Variants in ACBD6 observed in about 807,000 individuals in gnomAD.
ACBD6 encodes the protein acyl-CoA-binding domain-containing protein 6.
In ACBD6, 28 loss-of-function variants were observed where a neutral mutation model predicts 37.2. The ratio of observed to expected loss-of-function variants is 0.75; its 90% CI spans 0.56 to 1.03. The LOEUF is 1.03. ACBD6 is among the 50% of genes least tolerant of loss of function. The probability of loss-of-function intolerance (pLI) is 0.00; values close to 1 mark genes in which losing one functional copy is unlikely to be tolerated. For synonymous variants in ACBD6, 113 were observed against 126.8 expected (o/e 0.89, Z 0.73); for missense variants, 340 against 337.4 (o/e 1.01, Z -0.06).
At chr1:180,471,551 T>C (rs1033038813) in intron 3 of ACBD6, among the ~76,000 whole-genome samples, 6 of 152,012 alleles carry the variant, frequency 3.9e-5, no homozygotes, top group Non-Finnish European at 8.8e-5. Flanking sequence ...CTCAAAATCA[T>C]GGTGGGGGGC....
intron 6 of ACBD6, among the ~76,000 whole-genome samples, chr1:180,381,811 T>C (rs542137170): frequency 6.6e-6 from 1 of 151,690 alleles, no homozygotes; most frequent in Non-Finnish European, 1.5e-5. Context: ...CTCAAGGAAC[T>C]AGAAAAACAA....
At chr1:180,458,091 C>T (rs1649993544) in intron 3 of ACBD6, among the ~76,000 whole-genome samples, 1 of 152,032 alleles carries the variant, frequency 6.6e-6, no homozygotes, top group South Asian at 2.1e-4. Context: ...CCACCATGCC[C>T]GGCCAAAAAT....
chr1:180,357,752 A>G (rs1652683284), intron 6 of ACBD6, among the ~76,000 whole-genome samples: 1 of 152,194 alleles, frequency 6.6e-6, no homozygotes, highest in Non-Finnish European at 1.5e-5. Flanking sequence ...TCTTCTCAGT[A>G]TATGAAAGAA....
At position 180,432,070 on chromosome 1, in the gene ACBD6, G is replaced by A. The variant is rs1648833471; in HGVS notation, c.385-1808C>T. ...AAAATGCAAAAAACTAGCCAGGCAT[G>A]GTGGTGCGTGACTGTAGTACCAGCT... On this transcript the variant is annotated intron_variant, in intron 3 of 7. Transcript: ENST00000367595. Among the ~76,000 whole-genome samples the A allele has an allele frequency of 2.6e-5, 4 of 152,050 alleles. 1 individual carries two copies. Among genetic ancestry groups the A allele is most frequent in the Admixed American group, 2.6e-4 (4 of 15,258 alleles).
intron 6 of ACBD6, among the ~76,000 whole-genome samples, chr1:180,347,242 G>GA (rs1204763340): frequency 1.3e-5 from 2 of 151,678 alleles, no homozygotes; most frequent in Non-Finnish European, 2.9e-5. Context: ...TGTTAGGAAC[G>GA]AAAGACGAAA....
intron 6 of ACBD6, among the ~76,000 whole-genome samples, chr1:180,365,432 T>C (rs34673396): frequency 0.015 from 2,353 of 152,300 alleles, 32 homozygotes; most frequent in Non-Finnish European, 0.021. Context: ...ACTTATACTG[T>C]TTTGTGACCA....
At chr1:180,476,676 AT>A (rs1650806889) in intron 3 of ACBD6, among the ~76,000 whole-genome samples, 1 of 152,014 alleles carries the variant, frequency 6.6e-6, no homozygotes, top group African/African-American at 2.4e-5. Flanking sequence ...AAATACAAAA[AT>A]GAGCCGGGCG....
intron 3 of ACBD6, among the ~76,000 whole-genome samples, chr1:180,431,483 C>T (rs72714894): frequency 0.045 from 6,846 of 151,996 alleles, 224 homozygotes; most frequent in South Asian, 0.089. Context: ...AGAATAAATG[C>T]TATGAAGAAT....
At chr1:180,471,186 G>A (rs1302589258) in intron 3 of ACBD6, among the ~76,000 whole-genome samples, 1 of 152,048 alleles carries the variant, frequency 6.6e-6, no homozygotes, top group Admixed American at 6.6e-5. Flanking sequence ...GATCTCTTAA[G>A]CCCAGGAGTT....
At chr1:180,278,947 G>A (rs755332163) in intron 9 of ACBD6, 3 of 152,142 alleles carry the variant, frequency 2.0e-5, no homozygotes, top group Non-Finnish European at 4.4e-5. Context: ...AGATGTGTAC[G>A]GTAAAATTAT....
downstream of ACBD6, among the ~76,000 whole-genome samples, chr1:180,286,454 T>C (rs1406874654): frequency 6.6e-6 from 1 of 152,208 alleles, no homozygotes; most frequent in Non-Finnish European, 1.5e-5. Context: ...AATGAATAAA[T>C]GGTTTTTGAT....
chr1:180,345,686 C>A (rs1216770447), intron 6 of ACBD6, among the ~76,000 whole-genome samples: 1 of 151,986 alleles, frequency 6.6e-6, no homozygotes, highest in African/African-American at 2.4e-5. Flanking sequence ...TAACTTAGAA[C>A]ATCATTACAA....
intron 6 of ACBD6, among the ~76,000 whole-genome samples, chr1:180,341,907 C>T (rs1396655138): frequency 6.6e-6 from 1 of 151,998 alleles, no homozygotes; most frequent in African/African-American, 2.4e-5. Flanking sequence ...CAAGGAAAAA[C>T]TCATCAAACC....
chr1:180,295,190 T>C (rs1267187334), intron 7 of ACBD6, among the ~76,000 whole-genome samples: 1 of 152,200 alleles, frequency 6.6e-6, no homozygotes, highest in African/African-American at 2.4e-5. Flanking sequence ...AGATAGAAGC[T>C]TGGATCACTG....
At chr1:180,485,125 T>C (rs1020752107) in intron 3 of ACBD6, among the ~76,000 whole-genome samples, 2 of 151,504 alleles carry the variant, frequency 1.3e-5, no homozygotes, top group African/African-American at 4.9e-5. Context: ...TTTGAGGGTA[T>C]GTAATTTTAG....
At chr1:180,415,667 C>T (rs1267320336) in intron 4 of ACBD6, among the ~76,000 whole-genome samples, 1 of 152,150 alleles carries the variant, frequency 6.6e-6, no homozygotes, top group East Asian at 1.9e-4. Flanking sequence ...CAGAAGGATC[C>T]TTGGCATGTG....
intron 4 of ACBD6, among the ~76,000 whole-genome samples, chr1:180,417,727 A>G (rs1648156546): frequency 6.6e-6 from 1 of 152,102 alleles, no homozygotes; most frequent in Non-Finnish European, 1.5e-5. Flanking sequence ...TTTGAGGTTG[A>G]AAAATGGACT....
At chr1:180,288,558 G>A (rs763642558) in intron 7 of ACBD6, 41 bp from the exon 8 acceptor site, 10 of 1,580,456 alleles carry the variant, frequency 6.3e-6, no homozygotes, top group African/African-American at 1.3e-5. Context: ...AGTTTACCAA[G>A]AGACAGAGAA....
intron 3 of ACBD6, among the ~76,000 whole-genome samples, chr1:180,468,258 A>G (rs775019880): frequency 3.3e-5 from 5 of 152,176 alleles, no homozygotes; most frequent in Non-Finnish European, 7.3e-5. Flanking sequence ...AATTCCTCCA[A>G]GCAATTACTG....
Sources: gnomAD v4.1 joint callset for allele counts (sites outside exome capture counted in the v4.1 genomes callset) on GRCh38, gnomAD v4.1.1 for gene constraint, MANE v1.5 for transcripts, NCBI Gene and HGNC (gene_info 2026-07-23, HGNC 2026-07-21) for gene names.